Variants in ZMAT4 observed in about 807,000 individuals in gnomAD.
ZMAT4 encodes zinc finger matrin-type 4.
ZMAT4 carries 17 observed loss-of-function variants against 28.7 expected under a neutral mutation model. The observed-to-expected ratio is 0.59, with a 90% CI of 0.41 to 0.89. The LOEUF (loss-of-function observed/expected upper bound fraction) is 0.89, where lower values mean the gene tolerates loss of function less well. Among genes scored for constraint, ZMAT4 ranks in the 40% least tolerant of loss-of-function variants. ZMAT4 has a pLI of 0.00. For missense variants in ZMAT4, 240 were observed against 283.8 expected, an observed-to-expected ratio of 0.85 and a Z score of 1.11; for synonymous variants, 117 against 109.2, an observed-to-expected ratio of 1.07 and a Z score of -0.44.
intron 1 of ZMAT4, among the ~76,000 whole-genome samples, chr8:40,860,679 A>T (rs531098147): frequency 6.6e-6 from 1 of 152,210 alleles, no homozygotes; most frequent in Non-Finnish European, 1.5e-5. Flanking sequence ...CATGTCTCTC[A>T]CTTGACTGGG....
At chr8:40,807,712 T>C (rs571086454) in intron 2 of ZMAT4, among the ~76,000 whole-genome samples, 2 of 152,204 alleles carry the variant, frequency 1.3e-5, no homozygotes, top group East Asian at 3.9e-4. Context: ...TGAGAAAACA[T>C]TTCATGAAAA....
chr8:40,832,329 G>C (rs1013760558), intron 1 of ZMAT4, among the ~76,000 whole-genome samples: 2 of 152,264 alleles, frequency 1.3e-5, no homozygotes, highest in East Asian at 3.9e-4. Context: ...GCTGGGATGG[G>C]CTAACATCTG....
chr8:40,747,563 A>C (rs182610284), intron 3 of ZMAT4, among the ~76,000 whole-genome samples: 1 of 151,440 alleles, frequency 6.6e-6, no homozygotes, highest in African/African-American at 2.4e-5. Context: ...ATAGCAGAAA[A>C]CTCATGCCCA....
intron 1 of ZMAT4, among the ~76,000 whole-genome samples, chr8:40,829,235 G>T (rs13270397): frequency 0.14 from 22,031 of 152,210 alleles, 1,650 homozygotes; most frequent in Non-Finnish European, 0.16. Context: ...AGCACCATCT[G>T]TACTCCCAGG....
chr8:40,564,125 C>G lies in ZMAT4; in HGVS notation c.674+17040G>C, dbSNP rs1803838808. Among the ~76,000 whole-genome samples the G allele has an allele frequency of 2.6e-5, 4 of 152,112 alleles. No individual in the cohort carries two copies. In the South Asian group the frequency reaches 8.3e-4, roughly 32 times the overall value. Reference sequence around the variant, plus strand: ...AAAAGAGAAAATACGTGAATGAGGTCAAGTAGTTCCAGAATACTTGAAATA... The same window carrying G: ...AAAAGAGAAAATACGTGAATGAGGTGAAGTAGTTCCAGAATACTTGAAATA... On this transcript the variant is annotated intron_variant, in intron 6 of 6. Transcript: ENST00000297737.
chr8:40,594,948 C>T (rs1192122129), intron 5 of ZMAT4, among the ~76,000 whole-genome samples: 2 of 152,136 alleles, frequency 1.3e-5, no homozygotes, highest in African/African-American at 2.4e-5. Context: ...CAACATTACA[C>T]GAACATCTTC....
At position 40,591,792 on chromosome 8, in the gene ZMAT4, G is replaced by T. The variant is rs138930597; in HGVS notation, c.578-10531C>A. 1.6e-3 allele frequency among the ~76,000 whole-genome samples: 245 copies of T among 152,192 alleles called. 1 individual carries two copies. Among genetic ancestry groups the T allele is most frequent in the African/African-American group, 5.8e-3 (240 of 41,538 alleles). On this transcript the variant is annotated intron_variant, in intron 5 of 6. Coordinates refer to ENST00000297737, the MANE Select transcript of ZMAT4 (RefSeq NM_024645.3). ...GAAAGCTTTCCTAAGAGGATGAAAG[G>T]GTTGTTATTATCACAGTTAATCCTC... is the stretch of plus-strand genomic sequence containing the variant.
intron 1 of ZMAT4, among the ~76,000 whole-genome samples, chr8:40,850,690 C>T (rs193245100): frequency 6.6e-6 from 1 of 152,282 alleles, no homozygotes; most frequent in Admixed American, 6.5e-5. Flanking sequence ...GTTTCTCACA[C>T]TCGTGCATTT....
At chr8:40,545,177 G>T (rs1207145536) in intron 6 of ZMAT4, among the ~76,000 whole-genome samples, 1 of 151,988 alleles carries the variant, frequency 6.6e-6, no homozygotes, top group African/African-American at 2.4e-5. Flanking sequence ...AAGCAACTGC[G>T]CGAGTGAGGT....
intron 4 of ZMAT4, among the ~76,000 whole-genome samples, chr8:40,692,634 T>A (rs1049768857): frequency 3.3e-5 from 5 of 152,332 alleles, no homozygotes; most frequent in African/African-American, 1.2e-4. Flanking sequence ...AAGCAAAGTC[T>A]CTGCTACAGA....
chr8:40,610,397 G>T (rs1256211488), intron 5 of ZMAT4, among the ~76,000 whole-genome samples: 1 of 152,198 alleles, frequency 6.6e-6, no homozygotes, highest in African/African-American at 2.4e-5. Context: ...GCAAATATGG[G>T]TTGTGTGAGG....
intron 2 of ZMAT4, among the ~76,000 whole-genome samples, chr8:40,778,772 A>G (rs555885427): frequency 1.3e-5 from 2 of 152,288 alleles, no homozygotes; most frequent in East Asian, 1.9e-4. Flanking sequence ...TTGCTTACTC[A>G]AAGACCCAGA....
chr8:40,775,794 T>A (rs1006779729), intron 2 of ZMAT4, among the ~76,000 whole-genome samples: 4 of 152,196 alleles, frequency 2.6e-5, no homozygotes, highest in African/African-American at 9.6e-5. Context: ...CCAATGTGAC[T>A]GTATCTGGAA....
chr8:40,891,975 C>T (rs1405924434), intron 1 of ZMAT4, among the ~76,000 whole-genome samples: 3 of 152,178 alleles, frequency 2.0e-5, no homozygotes, highest in Admixed American at 2.0e-4. Flanking sequence ...CACAGCTGGT[C>T]ACGGCCTCAT....
At chr8:40,837,155 A>G (rs528535427) in intron 1 of ZMAT4, among the ~76,000 whole-genome samples, 1 of 152,312 alleles carries the variant, frequency 6.6e-6, no homozygotes, top group African/African-American at 2.4e-5. Flanking sequence ...CAGTTACTGC[A>G]CCACATAATT....
chr8:40,684,544 A>C lies in ZMAT4; in HGVS notation c.350-9613T>G, dbSNP rs147616789. On this transcript the variant is annotated intron_variant, in intron 4 of 6. Coordinates refer to ENST00000297737, the MANE Select transcript of ZMAT4 (RefSeq NM_024645.3). ...AACTGAAACCAGCTTTGGTTCTTTT[A>C]ATTCTACCAGTCTTCCCCAGACACC... is the stretch of plus-strand genomic sequence containing the variant. Among the ~76,000 whole-genome samples, 5 of 152,256 alleles carry C rather than the reference A, an allele frequency of 3.3e-5. No individual in the cohort carries two copies. In the East Asian group the frequency reaches 9.7e-4, roughly 29 times the overall value.
At chr8:40,808,388 G>GA (rs904641983) in intron 2 of ZMAT4, 4,191 of 281,434 alleles carry the variant, frequency 0.015, no homozygotes, top group South Asian at 0.026. Flanking sequence ...GGTGAATTTG[G>GA]AAAAAAAAAA....
At chr8:40,640,967 AAAAG>A (rs1267392105) in intron 5 of ZMAT4, among the ~76,000 whole-genome samples, 1 of 151,886 alleles carries the variant, frequency 6.6e-6, no homozygotes, top group African/African-American at 2.4e-5. Context: ...CAAAAAAAAA[AAAAG>A]AAAGAAAAAA....
At chr8:40,532,751 A>G (rs1231926354) in intron 6 of ZMAT4, among the ~76,000 whole-genome samples, 1 of 152,118 alleles carries the variant, frequency 6.6e-6, no homozygotes, top group Non-Finnish European at 1.5e-5. Flanking sequence ...TAATCCCAAC[A>G]CTTTGGGAGG....
Sources: allele counts gnomAD v4.1 joint callset (sites outside exome capture counted in the v4.1 genomes callset), GRCh38; gene constraint gnomAD v4.1.1; transcripts MANE v1.5; gene names NCBI Gene and HGNC (gene_info 2026-07-23, HGNC 2026-07-21).